RAI1: variants seen among roughly 807,000 people sequenced by gnomAD.
RAI1 encodes retinoic acid-induced protein 1.
A neutral mutation model predicts 123.8 loss-of-function variants in RAI1; 9 were observed. That is an observed-to-expected ratio of 0.07 (90% confidence interval 0.04 to 0.13). The LOEUF is 0.13. RAI1 is among the 10% of genes least tolerant of loss of function. The pLI, the probability that RAI1 is intolerant of heterozygous loss-of-function variation, is 1.00. For synonymous variants in RAI1, 1,231 were observed against 1,127.3 expected, an observed-to-expected ratio of 1.09 and a Z score of -1.84; for missense variants, 2,256 against 2,545.8, an observed-to-expected ratio of 0.89 and a Z score of 2.45.
Position 17,793,739 on chromosome 17 carries a change from A to C in RAI1, c.791A>C (p.Gln264Pro), listed in dbSNP as rs1305523744. ...AGCCTGGCCCCGGGGCAGCGGGTCC[A>C]GAATCTTCATGCCTACCAGTCGGGC... ...SSSLAPGQRV[Q>P]NLHAYQSGRL... The change falls in exon 3 of 6, where the codon CAG becomes CCG. Residue 264 changes from glutamine to proline, a missense_variant. By Grantham distance (76) the Gln-to-Pro change is moderately conservative. Coordinates refer to ENST00000353383, the MANE Select transcript of RAI1 (RefSeq NM_030665.4). 1 of 1,612,902 alleles carries C rather than the reference A, an allele frequency of 6.2e-7. No individual in the cohort carries two copies. The highest frequency in any genetic ancestry group is 8.5e-7 in the Non-Finnish European group (1 of 1,180,000).
chr17:17,702,596 A>G lies in RAI1; in HGVS notation c.-149+20803A>G, dbSNP rs181419247. ...GTCAGGTGGCATCACAGCCGGGTAG[A>G]CAGTCGTCACTGATTAATGAGGTGG... On this transcript the variant is annotated intron_variant, in intron 1 of 5. Coordinates refer to ENST00000353383, the MANE Select transcript of RAI1 (RefSeq NM_030665.4). 5.0e-3 allele frequency among the ~76,000 whole-genome samples: 769 copies of G among 152,310 alleles called. 4 individuals are homozygous for G. Among genetic ancestry groups the G allele is most frequent in the Non-Finnish European group, 8.5e-3 (580 of 68,020 alleles).
intron 2 of RAI1, among the ~76,000 whole-genome samples, chr17:17,725,573 G>GA (rs1916060076): frequency 6.6e-6 from 1 of 152,198 alleles, no homozygotes; most frequent in African/African-American, 2.4e-5. Flanking sequence ...CCGGCACGCA[G>GA]AAGCCCCCAG....
At chr17:17,750,395 C>A (rs2030107696) in intron 2 of RAI1, among the ~76,000 whole-genome samples, 1 of 152,108 alleles carries the variant, frequency 6.6e-6, no homozygotes, top group African/African-American at 2.4e-5. Context: ...CAGGCAGGGG[C>A]TCAAATGACA....
intron 1 of RAI1, among the ~76,000 whole-genome samples, chr17:17,717,692 C>T (rs1915754194): frequency 6.6e-6 from 1 of 152,204 alleles, no homozygotes; most frequent in Non-Finnish European, 1.5e-5. Context: ...CCCTCTGAAC[C>T]CCAGGGCCTT....
chr17:17,795,003 G>A lies in RAI1; in HGVS notation c.2055G>A (p.Gly685=). The change falls in exon 3 of 6, where the codon GGG becomes GGA. Residue 685 remains glycine, a synonymous_variant. Transcript: ENST00000353383. The surrounding 1 kb of genome is among the most constrained non-coding windows in gnomAD (Gnocchi z 5.9). ...GCAATGCCAAGGACTTCAGCCCAGG[G>A]CTGTTTGAAGACCCTTCCGTGGCCT... ...KGGNAKDFSP[G]LFEDPSVAFA... 1 of 1,614,090 alleles carries A rather than the reference G, an allele frequency of 6.2e-7. No individual in the cohort carries two copies. Among genetic ancestry groups the A allele is most frequent in the African/African-American group, 1.3e-5 (1 of 75,080 alleles).
chr17:17,741,556 C>T (rs1334096812), intron 2 of RAI1, among the ~76,000 whole-genome samples: 1 of 152,256 alleles, frequency 6.6e-6, no homozygotes, highest in Non-Finnish European at 1.5e-5. Flanking sequence ...CCCTGGCCGC[C>T]TCCCTCAGCT....
At chr17:17,687,460 C>T (rs968436729) in intron 1 of RAI1, among the ~76,000 whole-genome samples, 2 of 152,176 alleles carry the variant, frequency 1.3e-5, no homozygotes, top group Non-Finnish European at 2.9e-5. Context: ...ACAGGGACAG[C>T]AGGCATGCTC....
chr17:17,794,709 C>T lies in RAI1; in HGVS notation c.1761C>T (p.Phe587=), dbSNP rs777412514. The T allele has an allele frequency of 2.0e-5, 33 of 1,611,738 alleles. No homozygotes were observed. In the Middle Eastern group the frequency reaches 9.9e-4, roughly 48 times the overall value. Residue 587 remains phenylalanine, a synonymous_variant, in exon 3 of 6, where the codon TTC becomes TTT. Transcript: ENST00000353383. ...TGCCGCTCGACAGCTTCTCCAAGTT[C>T]GTGGCGGGTGAGCGGGACTGTCCGC... ...GSLPLDSFSK[F]VAGERDCPRL...
chr17:17,724,171 G>T lies in RAI1; in HGVS notation c.-17+12G>T, dbSNP rs555483537. 1 of 151,756 alleles carries T rather than the reference G, an allele frequency of 6.6e-6. No homozygotes were observed. The highest frequency in any genetic ancestry group is 2.4e-5 in the African/African-American group (1 of 41,220). 9.4% of individuals were successfully genotyped at this position (151,756 alleles called of 1,614,324 possible). On this transcript the variant is annotated intron_variant, in intron 2 of 5. Transcript: ENST00000353383. ...GGAGGAGCCCGCAGGTATTGTTGGC[G>T]GCGGAGCTTTGTGTTTTCGGCGGGC...
chr17:17,726,368 C>T (rs1181933056), intron 2 of RAI1, among the ~76,000 whole-genome samples: 2 of 152,204 alleles, frequency 1.3e-5, no homozygotes, highest in Non-Finnish European at 2.9e-5. Context: ...GACCATGAGA[C>T]CCTAGTGGCT....
chr17:17,714,159 A>T lies in RAI1; in HGVS notation c.-148-9869A>T, dbSNP rs570211161. Among the ~76,000 whole-genome samples the T allele has an allele frequency of 1.4e-4, 22 of 152,162 alleles. No individual in the cohort carries two copies. Among genetic ancestry groups the T allele is most frequent in the African/African-American group, 4.8e-4 (20 of 41,504 alleles). On this transcript the variant is annotated intron_variant, in intron 1 of 5. Transcript: ENST00000353383. This position sits in a 1 kb window ranked among gnomAD's most constrained non-coding sequence, Gnocchi z 4.9. ...TGCCTGCTAGCAAGCTCTTCCTTAT[A>T]TGGAGGTGAAATCTGTCTTCCTGTT...
Position 17,793,673 on chromosome 17 carries a change from C to T in RAI1, c.725C>T (p.Pro242Leu), listed in dbSNP as rs150563155. 3,485 of 1,613,134 alleles carry T rather than the reference C, an allele frequency of 2.2e-3. 11 individuals are homozygous for T. In the Middle Eastern group the frequency reaches 0.025, roughly 12 times the overall value. ...GAHSYKSCTA[P>L]TAQPHDRPLT... Reference sequence around the variant, plus strand: ...CACTCCTATAAGAGTTGCACAGCACCGACTGCCCAGCCCCATGACAGGCCG... The same window carrying T: ...CACTCCTATAAGAGTTGCACAGCACTGACTGCCCAGCCCCATGACAGGCCG... The change falls in exon 3 of 6, where the codon CCG becomes CTG. Residue 242 changes from proline to leucine, a missense_variant. Coordinates refer to ENST00000353383, the MANE Select transcript of RAI1 (RefSeq NM_030665.4).
At chr17:17,699,473 C>T (rs1915141917) in intron 1 of RAI1, among the ~76,000 whole-genome samples, 2 of 152,210 alleles carry the variant, frequency 1.3e-5, no homozygotes, top group South Asian at 4.1e-4. Context: ...TTTATTCATG[C>T]ATTCACTCAT....
At chr17:17,758,120 A>G (rs549970985) in intron 2 of RAI1, among the ~76,000 whole-genome samples, 84 of 152,230 alleles carry the variant, frequency 5.5e-4, no homozygotes, top group Non-Finnish European at 1.1e-3. Context: ...CTGACAGTAA[A>G]TTCCCCCTCC....
At chr17:17,782,879 G>A (rs1278634021) in intron 2 of RAI1, among the ~76,000 whole-genome samples, 2 of 152,140 alleles carry the variant, frequency 1.3e-5, no homozygotes, top group Non-Finnish European at 2.9e-5. Context: ...CGCCCTTACC[G>A]AGGCGTGGGG....
intron 1 of RAI1, among the ~76,000 whole-genome samples, chr17:17,692,002 C>G (rs1480154466): frequency 3.3e-5 from 5 of 152,216 alleles, no homozygotes; most frequent in African/African-American, 9.7e-5. Flanking sequence ...GAGACAAGCA[C>G]AGAAAATCCC....
At chr17:17,744,171 G>T (rs2142974331) in intron 2 of RAI1, among the ~76,000 whole-genome samples, 1 of 152,324 alleles carries the variant, frequency 6.6e-6, no homozygotes, top group African/African-American at 2.4e-5. Context: ...GGGATTGCCA[G>T]TATCACCCCT....
At chr17:17,719,000 A>G (rs767228386) in intron 1 of RAI1, among the ~76,000 whole-genome samples, 1 of 152,186 alleles carries the variant, frequency 6.6e-6, no homozygotes, top group Non-Finnish European at 1.5e-5. Flanking sequence ...TGCTCAGGCA[A>G]GATACATCAG....
chr17:17,794,382 C>T lies in RAI1; in HGVS notation c.1434C>T (p.Ser478=). 1 of 1,613,232 alleles carries T rather than the reference C, an allele frequency of 6.2e-7. No individual in the cohort carries two copies. Among genetic ancestry groups the T allele is most frequent in the Non-Finnish European group, 8.5e-7 (1 of 1,180,042 alleles). The part of the protein sequence containing the change: ...LVSRTPEQHK[S]QHCSPEGSGY... ...CCAGGACCCCAGAGCAGCATAAAAG[C>T]CAGCACTGCAGCCCCGAAGGGAGCG... Residue 478 remains serine, a synonymous_variant, in exon 3 of 6, where the codon AGC becomes AGT. Coordinates refer to ENST00000353383, the MANE Select transcript of RAI1 (RefSeq NM_030665.4).
Sources: allele counts gnomAD v4.1 joint callset (sites outside exome capture counted in the v4.1 genomes callset), GRCh38; gene constraint gnomAD v4.1.1; non-coding constraint Gnocchi (gnomAD v3.1); transcripts MANE v1.5; gene names NCBI Gene and HGNC (gene_info 2026-07-23, HGNC 2026-07-21).